HDAC9: variants seen among roughly 807,000 people sequenced by gnomAD.
HDAC9 encodes MEF-2 interacting transcription repressor (MITR) protein.
Under a neutral mutation model 139.4 loss-of-function variants are expected in HDAC9, and 41 were observed. The observed-to-expected ratio is 0.29, with a 90% CI of 0.23 to 0.38. The LOEUF (loss-of-function observed/expected upper bound fraction) is 0.38, where lower values mean the gene tolerates loss of function less well. Ranked by LOEUF, HDAC9 falls within the 10% of genes least tolerant of loss-of-function variation. The pLI is 1.00. For synonymous variants in HDAC9, 517 were observed against 476.2 expected (o/e 1.09, Z -1.12); for missense variants, 1,147 against 1,297.0 (o/e 0.88, Z 1.78).
intron 24 of HDAC9, among the ~76,000 whole-genome samples, chr7:18,973,686 A>G (rs967543768): frequency 1.3e-5 from 2 of 152,338 alleles, no homozygotes; most frequent in South Asian, 4.1e-4. Flanking sequence ...TGGAACTGTC[A>G]ATTCAGAAAT....
At chr7:18,821,335 A>G (rs984486846) in intron 17 of HDAC9, among the ~76,000 whole-genome samples, 1 of 152,200 alleles carries the variant, frequency 6.6e-6, no homozygotes, top group Non-Finnish European at 1.5e-5. Flanking sequence ...ATAGAGGCTT[A>G]GGAATGGTTT....
At chr7:18,442,384 T>C (rs1285394694) in intron 1 of HDAC9, among the ~76,000 whole-genome samples, 1 of 152,178 alleles carries the variant, frequency 6.6e-6, no homozygotes, top group Non-Finnish European at 1.5e-5. Flanking sequence ...TTTGAGACAA[T>C]AGAAGTGACC....
chr7:18,480,698 T>A (rs927687272), intron 1 of HDAC9, among the ~76,000 whole-genome samples: 1 of 152,146 alleles, frequency 6.6e-6, no homozygotes, highest in East Asian at 1.9e-4. Context: ...ATAACAAAAA[T>A]TAAATGTGAT....
chr7:18,357,305 C>T (rs62450074), intron 1 of HDAC9, among the ~76,000 whole-genome samples: 2,203 of 152,192 alleles, frequency 0.014, 27 homozygotes, highest in Non-Finnish European at 0.022. Flanking sequence ...CCTGAACAGA[C>T]CTTTAAGCTG....
intron 22 of HDAC9, among the ~76,000 whole-genome samples, chr7:18,927,280 AC>A (rs1804318649): frequency 6.6e-6 from 1 of 152,194 alleles, no homozygotes; most frequent in African/African-American, 2.4e-5. Flanking sequence ...GAATTACAGC[AC>A]CATGAGTCTT....
At chr7:18,280,692 G>C (rs1797047660) in intron 2 of HDAC9, among the ~76,000 whole-genome samples, 1 of 151,858 alleles carries the variant, frequency 6.6e-6, no homozygotes, top group African/African-American at 2.4e-5. Context: ...GAGCCCAGGA[G>C]GTCAAGGTGA....
intron 2 of HDAC9, among the ~76,000 whole-genome samples, chr7:18,270,106 A>G (rs900202813): frequency 2.0e-5 from 3 of 152,018 alleles, no homozygotes; most frequent in African/African-American, 7.2e-5. Flanking sequence ...AAATGTCTTT[A>G]GGCATTGCTA....
chr7:18,132,857 A>T (rs776185545), intron 1 of HDAC9, among the ~76,000 whole-genome samples: 1 of 150,944 alleles, frequency 6.6e-6, no homozygotes, highest in Non-Finnish European at 1.5e-5. Context: ...CAGAATCCCA[A>T]TGTGCCCTGC....
intron 15 of HDAC9, among the ~76,000 whole-genome samples, chr7:18,765,926 G>T (rs2129160072): frequency 6.6e-6 from 1 of 151,672 alleles, no homozygotes; most frequent in South Asian, 2.1e-4. Flanking sequence ...TAACTAGATG[G>T]CTTCATTTGT....
At chr7:18,837,275 T>C (rs1251080967) in intron 21 of HDAC9, among the ~76,000 whole-genome samples, 1 of 151,924 alleles carries the variant, frequency 6.6e-6, no homozygotes, top group East Asian at 1.9e-4. Context: ...TTTTCTACCG[T>C]CAACTTGGGT....
At chr7:18,259,206 T>C (rs1282193128) in intron 2 of HDAC9, among the ~76,000 whole-genome samples, 1 of 151,958 alleles carries the variant, frequency 6.6e-6, no homozygotes, top group Non-Finnish European at 1.5e-5. Context: ...TGGCCTCAAG[T>C]GATCCACCTG....
chr7:18,624,228 TTGTGTACCA>T (rs980238401), intron 6 of HDAC9, among the ~76,000 whole-genome samples: 1 of 152,162 alleles, frequency 6.6e-6, no homozygotes, highest in African/African-American at 2.4e-5. Context: ...CCTAAGTTTA[TTGTGTACCA>T]TGGAGACTAG....
At chr7:18,271,260 C>T (rs1474553408) in intron 2 of HDAC9, among the ~76,000 whole-genome samples, 1 of 152,108 alleles carries the variant, frequency 6.6e-6, no homozygotes, top group Non-Finnish European at 1.5e-5. Context: ...GATAATGTGG[C>T]TATATACCTG....
At chr7:18,114,996 T>A (rs2128086966) in intron 1 of HDAC9, among the ~76,000 whole-genome samples, 1 of 152,282 alleles carries the variant, frequency 6.6e-6, no homozygotes, top group Non-Finnish European at 1.5e-5. Flanking sequence ...AGTATATTTC[T>A]AAAAAATTCA....
chr7:18,158,726 A>G (rs1787405453), intron 1 of HDAC9, among the ~76,000 whole-genome samples: 1 of 152,322 alleles, frequency 6.6e-6, no homozygotes, highest in African/African-American at 2.4e-5. Context: ...TTGTGATGCT[A>G]TTACTATTGA....
intron 1 of HDAC9, among the ~76,000 whole-genome samples, chr7:18,307,187 T>C (rs1198206230): frequency 6.6e-6 from 1 of 151,348 alleles, no homozygotes; most frequent in Non-Finnish European, 1.5e-5. Context: ...AAGCCATACC[T>C]CTCAAGTTCA....
At chr7:18,941,649 A>T (rs935888110) in intron 23 of HDAC9, among the ~76,000 whole-genome samples, 1 of 152,158 alleles carries the variant, frequency 6.6e-6, no homozygotes, top group Admixed American at 6.5e-5. Flanking sequence ...GGAAGGAGGA[A>T]CTGAATACAG....
rs570417748 is a variant in HDAC9, at chr7:18,728,672, T to C, written c.1909+915T>C. ...TTGAGTTCTCTGATTTATTTTAAAA[T>C]CCATTTTCAGGATTCAGAGCTTGTT... On this transcript the variant is annotated intron_variant, in intron 13 of 25. Transcript: ENST00000686413. Among the ~76,000 whole-genome samples, 13 of 152,298 alleles carry C rather than the reference T, an allele frequency of 8.5e-5. No homozygotes were observed. In the South Asian group the frequency reaches 2.7e-3, roughly 32 times the overall value.
At chr7:18,799,213 A>T (rs1793085133) in intron 17 of HDAC9, among the ~76,000 whole-genome samples, 1 of 152,220 alleles carries the variant, frequency 6.6e-6, no homozygotes, top group Non-Finnish European at 1.5e-5. Flanking sequence ...CATATAAAAC[A>T]TAGAACACAG....
Sources: gnomAD v4.1 joint callset for allele counts (sites outside exome capture counted in the v4.1 genomes callset) on GRCh38, gnomAD v4.1.1 for gene constraint, MANE v1.5 for transcripts, NCBI Gene and HGNC (gene_info 2026-07-23, HGNC 2026-07-21) for gene names.